Variants in UBE4B observed in about 807,000 individuals in gnomAD.
UBE4B encodes the protein ubiquitination factor E4B, also known as ubiquitin conjugation factor E4 B.
UBE4B carries 27 observed loss-of-function variants against 148.1 expected under a neutral mutation model. The ratio of observed to expected loss-of-function variants is 0.18; its 90% CI spans 0.13 to 0.25. The LOEUF (loss-of-function observed/expected upper bound fraction) is 0.25. Among genes scored for constraint, UBE4B ranks in the 10% least tolerant of loss-of-function variants. UBE4B has a pLI of 1.00. For synonymous variants in UBE4B, 596 were observed against 619.3 expected (o/e 0.96, Z 0.56); for missense variants, 1,170 against 1,662.4 (o/e 0.70, Z 5.15).
At chr1:10,156,923 C>G (rs1176329451) in intron 21 of UBE4B, among the ~76,000 whole-genome samples, 1 of 151,890 alleles carries the variant, frequency 6.6e-6, no homozygotes, top group African/African-American at 2.4e-5. Context: ...AATCTCAGTA[C>G]TTTGGAAGGA....
Position 10,175,488 on chromosome 1 carries a change from A to G in UBE4B, c.3526-3156A>G, listed in dbSNP as rs572701620. Among the ~76,000 whole-genome samples, 312 of 142,218 alleles carry G rather than the reference A, an allele frequency of 2.2e-3. 3 individuals are homozygous for G. The highest frequency in any genetic ancestry group is 3.7e-3 in the Non-Finnish European group (249 of 66,818). The allele number at this position is 142,218 out of a possible 152,430, so 93.3% of individuals were successfully genotyped here. A position where few individuals can be genotyped will look rare whatever the true frequency, so the allele number is the denominator to read the frequency against. ...AACACGGTGAAACCCCATCTCTACT[A>G]AAAATACAAAAAATTAGCCAGGCGT... is the stretch of plus-strand genomic sequence containing the variant. On this transcript the variant is annotated intron_variant, in intron 25 of 27. Coordinates refer to ENST00000343090, the MANE Select transcript of UBE4B (RefSeq NM_001105562.3).
At chr1:10,164,987 A>G (rs1017699546) in intron 23 of UBE4B, among the ~76,000 whole-genome samples, 1 of 151,908 alleles carries the variant, frequency 6.6e-6, no homozygotes, top group Admixed American at 6.6e-5. Flanking sequence ...GCCTTCAGGC[A>G]ACGAGAAACA....
chr1:10,121,829 G>T (rs1645415980), intron 9 of UBE4B, 133 bp from the exon 10 acceptor site: 1 of 537,582 alleles, frequency 1.9e-6, no homozygotes, highest in Non-Finnish European at 3.3e-6. Flanking sequence ...GCTTTCGCCT[G>T]AAACTATTTT....
At chr1:10,125,978 CA>C (rs1333009565) in intron 10 of UBE4B, among the ~76,000 whole-genome samples, 3 of 152,064 alleles carry the variant, frequency 2.0e-5, no homozygotes, top group Non-Finnish European at 4.4e-5. Flanking sequence ...TTGTTTTCCT[CA>C]AAATAAATGG....
intron 7 of UBE4B, chr1:10,107,145 A>G (rs947444900): frequency 1.6e-6 from 2 of 1,257,168 alleles, no homozygotes; most frequent in African/African-American, 3.1e-5. Flanking sequence ...ATTTAAAAGG[A>G]CAGCAGTTGC....
Position 10,119,555 on chromosome 1 carries a change from C to G in UBE4B, c.1381C>G (p.Arg461Gly). Residue 461 changes from arginine to glycine, a missense_variant, in exon 9 of 28, where the codon CGC (arginine) becomes GGC (glycine). Transcript: ENST00000343090. ...PAVSQLLSNI[R>G]SQCISHTALV... ...AGTCAGCCAGCTTCTGAGCAACATC[C>G]GCTCACAGTGCATATCCCATACTGC... The G allele has an allele frequency of 3.7e-6, 6 of 1,613,708 alleles. No homozygotes were observed. Among genetic ancestry groups the G allele is most frequent in the Non-Finnish European group, 5.1e-6 (6 of 1,179,728 alleles).
intron 8 of UBE4B, among the ~76,000 whole-genome samples, chr1:10,119,083 A>C (rs1166258862): frequency 2.0e-5 from 3 of 151,500 alleles, no homozygotes; most frequent in Non-Finnish European, 4.4e-5. Context: ...GGGTTTCACC[A>C]TGTTGGCCAG....
intron 2 of UBE4B, among the ~76,000 whole-genome samples, chr1:10,091,461 G>T (rs942303865): frequency 3.3e-5 from 5 of 151,794 alleles, no homozygotes; most frequent in Non-Finnish European, 2.9e-5. Context: ...TTGACACAGG[G>T]TCTTAAAAAA....
intron 1 of UBE4B, chr1:10,059,538 C>A: frequency 4.6e-6 from 1 of 217,362 alleles, no homozygotes. Flanking sequence ...CTGGTATTCC[C>A]ATTGTCTATG....
chr1:10,106,328 G>A lies in UBE4B; in HGVS notation c.941G>A (p.Ser314Asn). 6.2e-7 allele frequency: 1 copy of A among 1,614,144 alleles called. No individual in the cohort carries two copies. The highest frequency in any genetic ancestry group is 1.1e-5 in the South Asian group (1 of 91,084). Residue 314 changes from serine (S) to asparagine (N), a missense_variant, in exon 7 of 28, where the codon AGT (serine) becomes AAT (asparagine). Physicochemically the swap from Ser to Asn is conservative, Grantham distance 46. Around this residue, in one of 6 missense-constraint regions of UBE4B, gnomAD observed 214 missense variants for 209.1 expected, o/e 1.02. Coordinates refer to ENST00000343090, the MANE Select transcript of UBE4B (RefSeq NM_001105562.3). The surrounding 1 kb of genome is among the most constrained non-coding windows in gnomAD (Gnocchi z 4.2). ...CCTTCCACTCCCCTCAGTCCTCACA[G>A]TGCAGCCTCTGGAACTGCTGCGGGA... ...AVPSTPLSPHSAASGTAAGSQ... is the reference protein window; with the variant it reads ...AVPSTPLSPHNAASGTAAGSQ...
At chr1:10,064,728 T>TGGTG (rs1644353123) in intron 1 of UBE4B, among the ~76,000 whole-genome samples, 1 of 151,996 alleles carries the variant, frequency 6.6e-6, no homozygotes, top group Admixed American at 6.6e-5. Context: ...AAAGCCATGC[T>TGGTG]GGTGGGTCTA....
chr1:10,087,920 A>G (rs1644789002), intron 2 of UBE4B, among the ~76,000 whole-genome samples: 1 of 152,176 alleles, frequency 6.6e-6, no homozygotes, highest in South Asian at 2.1e-4. Flanking sequence ...CTATGTATTT[A>G]ATCTCTTAGA....
At chr1:10,043,017 T>G (rs2101776273) in intron 1 of UBE4B, among the ~76,000 whole-genome samples, 1 of 151,918 alleles carries the variant, frequency 6.6e-6, no homozygotes, top group African/African-American at 2.4e-5. Flanking sequence ...TTTTTTTTTT[T>G]TTAATTTTTT....
intron 2 of UBE4B, among the ~76,000 whole-genome samples, chr1:10,087,089 T>C (rs1288746328): frequency 6.6e-6 from 1 of 152,244 alleles, no homozygotes; most frequent in African/African-American, 2.4e-5. Flanking sequence ...TCTCATTCTG[T>C]TCTCGTCTGA....
intron 25 of UBE4B, 94 bp downstream of exon 25, chr1:10,171,423 A>G: frequency 1.4e-6 from 2 of 1,441,554 alleles, no homozygotes; most frequent in Non-Finnish European, 9.5e-7. Flanking sequence ...GTAAATGAAG[A>G]TGAGTGGGTT....
chr1:10,176,411 A>G (rs1646429595), intron 25 of UBE4B, among the ~76,000 whole-genome samples: 1 of 152,138 alleles, frequency 6.6e-6, no homozygotes, highest in African/African-American at 2.4e-5. Flanking sequence ...TTTTTGAGGG[A>G]TGCCAGAATG....
In UBE4B at chr1:10,180,137, C is replaced by G. The variant is rs1571049262; in HGVS notation, c.*181C>G. 7.8e-6 allele frequency: 5 copies of G among 645,148 alleles called. No homozygotes were observed. In the East Asian group the frequency reaches 1.4e-4, roughly 18 times the overall value. The allele number at this position is 645,148 out of a possible 1,614,324, so 40.0% of individuals were successfully genotyped here. A position where few individuals can be genotyped will look rare whatever the true frequency, so the allele number is the denominator to read the frequency against. ...GGACATGGATGAGAAGAGGAGCCCG[C>G]TTCCTGTACATATATTTAAGTGACA... On this transcript the variant is annotated 3_prime_UTR_variant, in exon 28 of 28. Transcript: ENST00000343090.
intron 1 of UBE4B, among the ~76,000 whole-genome samples, chr1:10,042,343 A>G (rs1459925664): frequency 6.6e-6 from 1 of 152,070 alleles, no homozygotes; most frequent in Non-Finnish European, 1.5e-5. Flanking sequence ...TCCTAGTGGG[A>G]GGAGAGGGAT....
At chr1:10,123,267 C>G (rs1645438810) in intron 10 of UBE4B, among the ~76,000 whole-genome samples, 1 of 151,742 alleles carries the variant, frequency 6.6e-6, no homozygotes, top group South Asian at 2.1e-4. Flanking sequence ...CCGGTCTCTA[C>G]TAAAAATGCA....
Sources: gnomAD v4.1 joint callset for allele counts (sites outside exome capture counted in the v4.1 genomes callset) on GRCh38, gnomAD v4.1.1 for gene constraint, gnomAD v4.1.1 regional missense constraint, Gnocchi (gnomAD v3.1) non-coding constraint, MANE v1.5 for transcripts, NCBI Gene and HGNC (gene_info 2026-07-23, HGNC 2026-07-21) for gene names.